NFATC2: variants seen among roughly 807,000 people sequenced by gnomAD.
NFATC2 encodes nuclear factor of activated T cells 2.
NFATC2 carries 22 observed loss-of-function variants against 87.3 expected under a neutral mutation model. The ratio of observed to expected loss-of-function variants is 0.25; its 90% CI spans 0.18 to 0.36. The LOEUF (loss-of-function observed/expected upper bound fraction) is 0.36. Ranked by LOEUF, NFATC2 falls within the 10% of genes least tolerant of loss-of-function variation. The pLI is 1.00. For missense variants in NFATC2, 1,149 were observed against 1,259.1 expected, an observed-to-expected ratio of 0.91 and a Z score of 1.32; for synonymous variants, 565 against 542.2, an observed-to-expected ratio of 1.04 and a Z score of -0.58.
chr20:51,472,226 G>A (rs538773074), intron 5 of NFATC2, among the ~76,000 whole-genome samples: 1 of 152,328 alleles, frequency 6.6e-6, no homozygotes, highest in East Asian at 1.9e-4. Context: ...CGGCACTCCA[G>A]CCTGGATCAG....
intron 3 of NFATC2, among the ~76,000 whole-genome samples, chr20:51,484,820 C>A (rs1353278083): frequency 1.3e-5 from 2 of 152,226 alleles, no homozygotes; most frequent in African/African-American, 4.8e-5. Flanking sequence ...AGGAGCCCTG[C>A]GCCTGCTTTC....
chr20:51,469,895 T>A (rs1988038771), intron 5 of NFATC2, among the ~76,000 whole-genome samples: 1 of 152,164 alleles, frequency 6.6e-6, no homozygotes, highest in African/African-American at 2.4e-5. Context: ...GAGAACACAT[T>A]TCTGTTGTTT....
intron 3 of NFATC2, among the ~76,000 whole-genome samples, chr20:51,486,568 T>C (rs1357636809): frequency 6.6e-6 from 1 of 151,794 alleles, no homozygotes; most frequent in Non-Finnish European, 1.5e-5. Context: ...TGTTACTTTA[T>C]GTGTTTGCTT....
In NFATC2 at chr20:51,542,643, C is replaced by A. The variant is rs1246470350; in HGVS notation, c.-144G>T. The A allele has an allele frequency of 8.5e-7, 1 of 1,174,684 alleles. No homozygotes were observed. The highest frequency in any genetic ancestry group is 3.9e-5 in the East Asian group (1 of 25,886). The allele number at this position is 1,174,684 out of a possible 1,614,324, so 72.8% of individuals were successfully genotyped here. A position where few individuals can be genotyped will look rare whatever the true frequency, so the allele number is the denominator to read the frequency against. On this transcript the variant is annotated 5_prime_UTR_variant, in exon 1 of 11. Transcript: ENST00000371564. Reference sequence around the variant, plus strand: ...GGACGCACGCCGGGTCCGGGGACGGCGCGCCTGGCGCAGCGGGTCCTGGAC... The same window carrying A: ...GGACGCACGCCGGGTCCGGGGACGGAGCGCCTGGCGCAGCGGGTCCTGGAC...
rs1297399051 is a variant in NFATC2 at position 51,389,226 on chromosome 20, A to G, written c.*2270T>C. 1 of 152,192 alleles carries G rather than the reference A, an allele frequency of 6.6e-6. No individual in the cohort carries two copies. The highest frequency in any genetic ancestry group is 2.4e-5 in the African/African-American group (1 of 41,436). The allele number at this position is 152,192 out of a possible 1,614,324, so 9.4% of individuals were successfully genotyped here. A position where few individuals can be genotyped will look rare whatever the true frequency, so the allele number is the denominator to read the frequency against. The stretch of plus-strand genomic sequence containing the variant: ...TTTTGCTAACATAGTTAGAAAACTG[A>G]TGGAAAATGCATTAGTCCTTTTTCA... On this transcript the variant is annotated 3_prime_UTR_variant, in exon 11 of 11. Transcript: ENST00000371564.
At chr20:51,551,399 AT>A (rs933779679) in intron 1 of NFATC2, among the ~76,000 whole-genome samples, 49 of 152,026 alleles carry the variant, frequency 3.2e-4, no homozygotes, top group African/African-American at 1.2e-3. Flanking sequence ...TTTATTTAAC[AT>A]TTTTATTTAT....
At position 51,473,971 on chromosome 20, in the gene NFATC2, C is replaced by G. The variant is rs1346317023; in HGVS notation, c.1708+9G>C. The G allele has an allele frequency of 6.2e-7, 1 of 1,610,898 alleles. No individual in the cohort carries two copies. Among genetic ancestry groups the G allele is most frequent in the African/African-American group, 1.3e-5 (1 of 74,838 alleles). On this transcript the variant is annotated intron_variant, in intron 5 of 10. Transcript: ENST00000371564. ...CTGAAGAAAGACCGGGCCCCAGGGC[C>G]CAACTTACAGCACTCGATGGGGTTA...
intron 2 of NFATC2, among the ~76,000 whole-genome samples, chr20:51,522,838 A>G (rs891442309): frequency 2.6e-5 from 4 of 152,332 alleles, no homozygotes; most frequent in Middle Eastern, 3.4e-3. Flanking sequence ...ATTTATCATG[A>G]CTGCATCCTC....
intron 9 of NFATC2, among the ~76,000 whole-genome samples, chr20:51,411,007 G>C (rs1423688273): frequency 6.6e-6 from 1 of 152,192 alleles, no homozygotes; most frequent in East Asian, 1.9e-4. Context: ...GATAATGATA[G>C]TGGTGGCAGT....
chr20:51,426,809 C>A (rs1396446786), intron 9 of NFATC2, among the ~76,000 whole-genome samples: 1 of 152,160 alleles, frequency 6.6e-6, no homozygotes, highest in Admixed American at 6.5e-5. Flanking sequence ...GGGGTGCCAA[C>A]AAGACTGTCA....
At chr20:51,507,442 C>T (rs975982168) in intron 3 of NFATC2, among the ~76,000 whole-genome samples, 2 of 152,180 alleles carry the variant, frequency 1.3e-5, no homozygotes, top group South Asian at 2.1e-4. Context: ...ATCTAAGGCT[C>T]GTAGAGCTCA....
intron 3 of NFATC2, among the ~76,000 whole-genome samples, chr20:51,476,588 C>G (rs1244110547): frequency 6.6e-6 from 1 of 152,108 alleles, no homozygotes; most frequent in Non-Finnish European, 1.5e-5. Context: ...TTCCTTTTGC[C>G]TAAGTCTTTC....
chr20:51,444,807 A>T (rs1984836510), intron 6 of NFATC2, among the ~76,000 whole-genome samples: 2 of 152,104 alleles, frequency 1.3e-5, no homozygotes, highest in African/African-American at 4.8e-5. Context: ...GGGCTTAATG[A>T]GCCCAGCAGA....
At chr20:51,518,782 T>C (rs749143086) in intron 2 of NFATC2, among the ~76,000 whole-genome samples, 17 of 152,202 alleles carry the variant, frequency 1.1e-4, no homozygotes, top group Admixed American at 6.5e-5. Flanking sequence ...GGCTATGACA[T>C]GAACCATGAA....
In NFATC2 at chr20:51,446,151, T is replaced by C. The variant is rs1033336970; in HGVS notation, c.1849+8397A>G. Among the ~76,000 whole-genome samples, 12 of 152,230 alleles carry C rather than the reference T, an allele frequency of 7.9e-5. 2 individuals carry two copies. The highest frequency in any genetic ancestry group is 2.0e-4 in the Admixed American group (3 of 15,292). On this transcript the variant is annotated intron_variant, in intron 6 of 10. Coordinates refer to ENST00000371564, the MANE Select transcript of NFATC2 (RefSeq NM_012340.5). ...GAAGCAGACCATGAGTTACCCTCCC[T>C]CCAGCTGCCAGGCTATGACTCCAGG...
At chr20:51,495,029 G>A (rs1243276627) in intron 3 of NFATC2, among the ~76,000 whole-genome samples, 1 of 152,158 alleles carries the variant, frequency 6.6e-6, no homozygotes, top group East Asian at 1.9e-4. Context: ...TCCAGGTGGG[G>A]GCAAAGTAAG....
At chr20:51,514,480 A>AAG (rs1199592850) in intron 3 of NFATC2, among the ~76,000 whole-genome samples, 1 of 152,212 alleles carries the variant, frequency 6.6e-6, no homozygotes. Context: ...CTCATGGTCT[A>AAG]AGAGAGAGAG....
intron 3 of NFATC2, among the ~76,000 whole-genome samples, chr20:51,505,833 C>T (rs1367487292): frequency 1.3e-5 from 2 of 152,166 alleles, no homozygotes. Flanking sequence ...CCGTCTGCCC[C>T]TAACTCACAC....
At chr20:51,421,073 TAA>T (rs5841842) in intron 9 of NFATC2, among the ~76,000 whole-genome samples, 3,458 of 130,364 alleles carry the variant, frequency 0.027, 147 homozygotes, top group African/African-American at 0.089. Flanking sequence ...CCCTATGTCT[TAA>T]AAAAAAAAAA....
Sources: gnomAD v4.1 joint callset for allele counts (sites outside exome capture counted in the v4.1 genomes callset) on GRCh38, gnomAD v4.1.1 for gene constraint, MANE v1.5 for transcripts, NCBI Gene and HGNC (gene_info 2026-07-23, HGNC 2026-07-21) for gene names.